The following PPP2R5E variants were observed in gnomAD, a reference collection of about 807,000 sequenced individuals.
The protein encoded by PPP2R5E is serine/threonine-protein phosphatase 2A 56 kDa regulatory subunit epsilon isoform.
A neutral mutation model predicts 65.3 loss-of-function variants in PPP2R5E; 4 were observed. That is an observed-to-expected ratio of 0.06 (90% CI 0.03 to 0.14). PPP2R5E has a LOEUF of 0.14. Ranked by LOEUF, PPP2R5E falls within the 10% of genes least tolerant of loss-of-function variation. The pLI is 1.00. For synonymous variants in PPP2R5E, 183 were observed against 187.4 expected (o/e 0.98, Z 0.19); for missense variants, 274 against 556.1 (o/e 0.49, Z 5.10).
At chr14:63,416,097 T>G (rs1395033192) in intron 4 of PPP2R5E, among the ~76,000 whole-genome samples, 1 of 152,226 alleles carries the variant, frequency 6.6e-6, no homozygotes, top group African/African-American at 2.4e-5. Flanking sequence ...CGTATTCTCT[T>G]TGCATAATAA....
intron 5 of PPP2R5E, among the ~76,000 whole-genome samples, chr14:63,406,372 C>T (rs1471579397): frequency 1.3e-5 from 2 of 149,406 alleles, no homozygotes; most frequent in African/African-American, 5.0e-5. Context: ...GATCGAGCCA[C>T]TGCAATCCAG....
intron 2 of PPP2R5E, among the ~76,000 whole-genome samples, chr14:63,483,901 G>A (rs893681040): frequency 1.6e-4 from 24 of 152,170 alleles, no homozygotes; most frequent in African/African-American, 5.8e-4. Flanking sequence ...TGGCCAATAT[G>A]GTGAAACCCT....
intron 4 of PPP2R5E, among the ~76,000 whole-genome samples, chr14:63,418,841 C>CTT (rs772740856): frequency 0.022 from 2,279 of 105,084 alleles, 58 homozygotes; most frequent in African/African-American, 0.032. Context: ...AATTTTTTTA[C>CTT]TTTTTTTTTT....
In PPP2R5E at chr14:63,422,040, G is replaced by T; in HGVS notation, c.409C>A (p.Pro137Thr). ...TCAAGGGTAGGTTCATCTTCTTCTG[G>T]ATCAAATTCATTGCTGTCACTAGGA... ...LPPSDSNEFDPEEDEPTLEAS... is the reference protein window; with the variant it reads ...LPPSDSNEFDTEEDEPTLEAS... Residue 137 changes from proline to threonine, a missense_variant, in exon 4 of 14, where the codon CCA becomes ACA. By Grantham distance (38) the Pro-to-Thr change is conservative. Around this residue, in one of 6 missense-constraint regions of PPP2R5E, gnomAD observed 51 missense variants for 101.1 expected, o/e 0.50. Transcript: ENST00000337537. The T allele has an allele frequency of 1.9e-6, 3 of 1,613,720 alleles. No individual in the cohort carries two copies. Among genetic ancestry groups the T allele is most frequent in the Non-Finnish European group, 2.5e-6 (3 of 1,179,686 alleles).
Position 63,468,843 on chromosome 14 carries a change from A to G in PPP2R5E, c.158-14958T>C, listed in dbSNP as rs141812539. Among the ~76,000 whole-genome samples, 1,428 of 152,308 alleles carry G rather than the reference A, an allele frequency of 9.4e-3. 31 individuals carry two copies. Among genetic ancestry groups the G allele is most frequent in the African/African-American group, 0.033 (1,375 of 41,552 alleles). On this transcript the variant is annotated intron_variant, in intron 2 of 13. Transcript: ENST00000337537. ...TCTTTACAACATATTCAAAACAAAC[A>G]GTATTAACCTCCCACTAAAATAACA...
At chr14:63,388,298 G>A (rs772760004) in intron 11 of PPP2R5E, among the ~76,000 whole-genome samples, 1 of 151,970 alleles carries the variant, frequency 6.6e-6, no homozygotes. Context: ...CCGCCACCAC[G>A]TCCAGCTAAT....
At chr14:63,421,760 T>A (rs1219108259) in intron 4 of PPP2R5E, among the ~76,000 whole-genome samples, 3 of 152,352 alleles carry the variant, frequency 2.0e-5, no homozygotes, top group East Asian at 1.9e-4. Context: ...TAAGAACTGC[T>A]GGCTGTACCT....
At chr14:63,378,111 G>C (rs1259403187) in intron 13 of PPP2R5E, among the ~76,000 whole-genome samples, 1 of 152,158 alleles carries the variant, frequency 6.6e-6, no homozygotes, top group East Asian at 1.9e-4. Flanking sequence ...GAATAATTAT[G>C]AGGTCTAAAT....
At position 63,384,432 on chromosome 14, in the gene PPP2R5E, C is replaced by T; in HGVS notation, c.1202+12G>A. ...GGAGGAAGAGAACGGAGGAAAGAAA[C>T]TGAAAACCTACGGATTCCAATGTTC... is the stretch of plus-strand genomic sequence containing the variant. On this transcript the variant is annotated intron_variant, in intron 12 of 13. Coordinates refer to ENST00000337537, the MANE Select transcript of PPP2R5E (RefSeq NM_006246.5). The T allele has an allele frequency of 3.1e-6, 5 of 1,610,478 alleles. No individual in the cohort carries two copies. The highest frequency in any genetic ancestry group is 4.2e-6 in the Non-Finnish European group (5 of 1,178,030).
At chr14:63,428,352 T>C (rs1201087900) in intron 3 of PPP2R5E, among the ~76,000 whole-genome samples, 1 of 152,200 alleles carries the variant, frequency 6.6e-6, no homozygotes, top group Non-Finnish European at 1.5e-5. Context: ...ACTGGTGAAA[T>C]CTGACTTTCA....
rs532601529 is a variant in PPP2R5E, at chr14:63,422,149, A to G, written c.355-55T>C. The G allele has an allele frequency of 1.2e-5, 17 of 1,459,352 alleles. No homozygotes were observed. In the South Asian group the frequency reaches 1.6e-4, roughly 14 times the overall value. 90.4% of individuals were successfully genotyped at this position (1,459,352 alleles called of 1,614,324 possible). A position where few individuals can be genotyped will look rare whatever the true frequency, so the allele number is the denominator to read the frequency against. ...GGAAGCACCTTCTGCACAGTTTTAC[A>G]CAAGGTCCTTGGAGCCAAGCTGAGG... On this transcript the variant is annotated intron_variant, in intron 3 of 13. Transcript: ENST00000337537.
At chr14:63,417,489 GAAAA>G (rs61229217) in intron 4 of PPP2R5E, among the ~76,000 whole-genome samples, 1 of 121,434 alleles carries the variant, frequency 8.2e-6, no homozygotes, top group Non-Finnish European at 1.8e-5. Flanking sequence ...TCATGAGGAG[GAAAA>G]AAAAAAAAAA....
At chr14:63,483,838 A>G (rs1020282881) in intron 2 of PPP2R5E, among the ~76,000 whole-genome samples, 1 of 152,152 alleles carries the variant, frequency 6.6e-6, no homozygotes, top group African/African-American at 2.4e-5. Context: ...TAATCCCAGC[A>G]CTTTGGGAGG....
chr14:63,464,952 G>A (rs1435979775), intron 2 of PPP2R5E, among the ~76,000 whole-genome samples: 1 of 151,860 alleles, frequency 6.6e-6, no homozygotes, highest in African/African-American at 2.4e-5. Flanking sequence ...AAACCCAGGA[G>A]GCAGAGGTTG....
intron 5 of PPP2R5E, among the ~76,000 whole-genome samples, chr14:63,401,077 T>C (rs1343383549): frequency 6.6e-6 from 1 of 152,176 alleles, no homozygotes; most frequent in Non-Finnish European, 1.5e-5. Context: ...ACTTTAGATA[T>C]TTACAAAGCC....
chr14:63,433,871 T>C (rs1045710575), intron 3 of PPP2R5E, among the ~76,000 whole-genome samples: 2 of 152,226 alleles, frequency 1.3e-5, no homozygotes, highest in African/African-American at 4.8e-5. Context: ...TGACTTGCCC[T>C]GTCTTGACTT....
At chr14:63,517,905 T>C (rs1220001168) in intron 2 of PPP2R5E, among the ~76,000 whole-genome samples, 1 of 152,212 alleles carries the variant, frequency 6.6e-6, no homozygotes, top group African/African-American at 2.4e-5. Context: ...TCTAATCTTC[T>C]AAACTTTTAT....
intron 5 of PPP2R5E, among the ~76,000 whole-genome samples, chr14:63,409,823 C>T (rs1886301180): frequency 6.6e-6 from 1 of 152,118 alleles, no homozygotes; most frequent in Non-Finnish European, 1.5e-5. Context: ...TCCTGTTATC[C>T]CATGTCATGA....
intron 11 of PPP2R5E, among the ~76,000 whole-genome samples, chr14:63,389,068 G>A (rs925192573): frequency 6.6e-6 from 1 of 151,828 alleles, no homozygotes; most frequent in Non-Finnish European, 1.5e-5. Flanking sequence ...CTACACCAAA[G>A]ATCAAAATTT....
Sources: allele counts gnomAD v4.1 joint callset (sites outside exome capture counted in the v4.1 genomes callset), GRCh38; gene constraint gnomAD v4.1.1; regional missense constraint gnomAD v4.1.1; transcripts MANE v1.5; gene names NCBI Gene and HGNC (gene_info 2026-07-23, HGNC 2026-07-21).